GPC6: variants seen among roughly 807,000 people sequenced by gnomAD.
GPC6 encodes the protein glypican-6.
In GPC6, 14 loss-of-function variants were observed where a neutral mutation model predicts 55.2. That is an observed-to-expected ratio of 0.25 (90% CI 0.17 to 0.40). The LOEUF (loss-of-function observed/expected upper bound fraction) is 0.40, where lower values mean the gene tolerates loss of function less well. GPC6 is among the 10% of genes least tolerant of loss of function. The pLI, the probability that GPC6 is intolerant of heterozygous loss-of-function variation, is 1.00. For synonymous variants in GPC6, 278 were observed against 259.6 expected, an observed-to-expected ratio of 1.07 and a Z score of -0.68; for missense variants, 641 against 708.5, an observed-to-expected ratio of 0.90 and a Z score of 1.08.
chr13:93,876,133 T>C (rs1889286147), intron 3 of GPC6, among the ~76,000 whole-genome samples: 1 of 152,036 alleles, frequency 6.6e-6, no homozygotes, highest in Admixed American at 6.6e-5. Flanking sequence ...ATAGGTATGA[T>C]ATTTGTAAGT....
intron 4 of GPC6, among the ~76,000 whole-genome samples, chr13:94,171,660 A>C (rs1013815530): frequency 3.9e-5 from 6 of 152,172 alleles, no homozygotes; most frequent in South Asian, 2.1e-4. Context: ...TAAAACCAAG[A>C]CATTTGTCCT....
intron 2 of GPC6, among the ~76,000 whole-genome samples, chr13:93,650,815 C>T (rs1358241163): frequency 1.3e-5 from 2 of 152,244 alleles, no homozygotes; most frequent in East Asian, 3.9e-4. Context: ...ACAAGTGCAC[C>T]TTTGGATGAT....
chr13:94,048,196 A>C (rs968118837), intron 4 of GPC6, among the ~76,000 whole-genome samples: 1 of 152,086 alleles, frequency 6.6e-6, no homozygotes, highest in East Asian at 1.9e-4. Context: ...TCAAACCTTC[A>C]GGCATAAGAA....
At chr13:93,257,199 G>A (rs1309889026) in intron 1 of GPC6, among the ~76,000 whole-genome samples, 1 of 152,062 alleles carries the variant, frequency 6.6e-6, no homozygotes, top group East Asian at 1.9e-4. Context: ...TACTCAGGAG[G>A]CTGACGGGGA....
At chr13:93,512,488 T>C (rs762428383) in intron 1 of GPC6, among the ~76,000 whole-genome samples, 22 of 152,168 alleles carry the variant, frequency 1.4e-4, no homozygotes, top group African/African-American at 4.8e-4. Flanking sequence ...TCTTGAATCA[T>C]CCTTGCAGTC....
intron 2 of GPC6, among the ~76,000 whole-genome samples, chr13:93,576,273 T>G (rs9589781): frequency 0.033 from 5,076 of 152,044 alleles, 265 homozygotes; most frequent in African/African-American, 0.12. Context: ...ATTATATAAA[T>G]GGAGAAAGAG....
At chr13:93,498,977 A>C (rs1880414242) in intron 1 of GPC6, among the ~76,000 whole-genome samples, 1 of 152,052 alleles carries the variant, frequency 6.6e-6, no homozygotes, top group African/African-American at 2.4e-5. Context: ...TTGTGTTTTA[A>C]TTTTATTTCT....
At chr13:93,796,101 T>C (rs1594464562) in intron 2 of GPC6, among the ~76,000 whole-genome samples, 2 of 150,692 alleles carry the variant, frequency 1.3e-5, no homozygotes, top group East Asian at 3.9e-4. Context: ...GAGGCTGAGG[T>C]GGGAGGATCA....
At position 94,403,219 on chromosome 13, in the gene GPC6, C is replaced by T; in HGVS notation, c.*2C>T. ...GCACTGCAGAGACTGTGCAGATAAT[C>T]TTGGGTTTTTGGTCAGATGAAACTG... On this transcript the variant is annotated 3_prime_UTR_variant, in exon 9 of 9. Transcript: ENST00000377047. The T allele has an allele frequency of 6.2e-7, 1 of 1,610,302 alleles. No homozygotes were observed. The highest frequency in any genetic ancestry group is 1.7e-4 in the Middle Eastern group (1 of 6,050).
intron 2 of GPC6, among the ~76,000 whole-genome samples, chr13:93,557,495 A>G (rs1270099461): frequency 1.3e-5 from 2 of 152,204 alleles, no homozygotes; most frequent in East Asian, 3.9e-4. Context: ...ACATACAATA[A>G]GAACTGTTTA....
At chr13:94,281,987 G>C (rs1324663694) in intron 4 of GPC6, among the ~76,000 whole-genome samples, 1 of 152,180 alleles carries the variant, frequency 6.6e-6, no homozygotes, top group African/African-American at 2.4e-5. Context: ...TAATTGGCTA[G>C]AATTCTGAAC....
chr13:94,379,766 G>A (rs1431682407), intron 6 of GPC6, among the ~76,000 whole-genome samples: 1 of 152,140 alleles, frequency 6.6e-6, no homozygotes, highest in African/African-American at 2.4e-5. Context: ...CTAAGCTGTG[G>A]CAAATAGGAC....
At chr13:93,278,803 T>A (rs1235393853) in intron 1 of GPC6, among the ~76,000 whole-genome samples, 1 of 152,216 alleles carries the variant, frequency 6.6e-6, no homozygotes, top group Non-Finnish European at 1.5e-5. Context: ...TTGTATTATA[T>A]GCGGGATTCA....
intron 4 of GPC6, among the ~76,000 whole-genome samples, chr13:94,044,721 G>A (rs1189952021): frequency 1.3e-5 from 2 of 151,788 alleles, no homozygotes; most frequent in Non-Finnish European, 2.9e-5. Flanking sequence ...TGGAAGGCTT[G>A]TATCAATCTG....
chr13:93,232,681 T>C (rs1190906107), intron 1 of GPC6, among the ~76,000 whole-genome samples: 1 of 152,178 alleles, frequency 6.6e-6, no homozygotes, highest in Non-Finnish European at 1.5e-5. Context: ...TTAAGTATTA[T>C]GGCATAAAGA....
intron 2 of GPC6, among the ~76,000 whole-genome samples, chr13:93,811,757 G>A (rs1185991194): frequency 2.6e-5 from 4 of 152,102 alleles, no homozygotes; most frequent in Admixed American, 2.0e-4. Context: ...AAATTAATTG[G>A]GAAGGAATTG....
intron 1 of GPC6, among the ~76,000 whole-genome samples, chr13:93,448,522 T>C (rs960274031): frequency 2.0e-5 from 3 of 152,166 alleles, no homozygotes; most frequent in African/African-American, 7.2e-5. Flanking sequence ...TTGAAGTACT[T>C]TCATGGAGGA....
chr13:94,059,062 C>T (rs1884232432), intron 4 of GPC6, among the ~76,000 whole-genome samples: 1 of 151,810 alleles, frequency 6.6e-6, no homozygotes, highest in Non-Finnish European at 1.5e-5. Flanking sequence ...AAAAAAAGAG[C>T]TTTACATTTT....
chr13:94,024,387 T>C (rs1208998605), intron 3 of GPC6, among the ~76,000 whole-genome samples: 1 of 152,142 alleles, frequency 6.6e-6, no homozygotes, highest in Admixed American at 6.6e-5. Flanking sequence ...AAAATAGAGA[T>C]GTCTCCTCAC....
Sources: allele counts gnomAD v4.1 joint callset (sites outside exome capture counted in the v4.1 genomes callset), GRCh38; gene constraint gnomAD v4.1.1; transcripts MANE v1.5; gene names NCBI Gene and HGNC (gene_info 2026-07-23, HGNC 2026-07-21).